GLT6D1: variants seen among roughly 807,000 people sequenced by gnomAD.
GLT6D1 encodes glycosyltransferase 6 domain containing 1.
Under a neutral mutation model 12.3 loss-of-function variants are expected in GLT6D1, and 9 were observed. The observed-to-expected ratio is 0.73, with a 90% CI of 0.44 to 1.27. The LOEUF (loss-of-function observed/expected upper bound fraction) is 1.27, where lower values mean the gene tolerates loss of function less well. Among genes scored for constraint, GLT6D1 ranks in the 50% most tolerant of loss-of-function variants. The pLI, the probability that GLT6D1 is intolerant of heterozygous loss-of-function variation, is 0.00. For missense variants in GLT6D1, 335 were observed against 346.2 expected (o/e 0.97, Z 0.26); for synonymous variants, 128 against 132.3 (o/e 0.97, Z 0.23).
At position 135,624,342 on chromosome 9, in the gene GLT6D1, C is replaced by T. The variant is rs182523305; in HGVS notation, c.586G>A (p.Ala196Thr). ...TTGGTGTTTCTGAAATACCACCAGG[C>T]GTGGAGCTGGGCCACCAACGGGCCC... ...TLGPLVAQLH[A>T]WWYFRNTKNF... Residue 196 changes from alanine to threonine, a missense_variant, in exon 5 of 5, where the codon GCC becomes ACC. Physicochemically the swap from Ala to Thr is moderately conservative, Grantham distance 58. Transcript: ENST00000371763. The T allele has an allele frequency of 2.2e-3, 3,578 of 1,613,076 alleles. 4 individuals are homozygous for T. The highest frequency in any genetic ancestry group is 6.7e-3 in the African/African-American group (501 of 74,996).
At chr9:135,635,073 C>A (rs1325710075) in intron 2 of GLT6D1, among the ~76,000 whole-genome samples, 1 of 152,142 alleles carries the variant, frequency 6.6e-6, no homozygotes, top group Non-Finnish European at 1.5e-5. Flanking sequence ...CTTCTCCCTT[C>A]TTCCTTCCTT....
chr9:135,631,593 T>G, intron 2 of GLT6D1, 115 bp from the exon 3 acceptor site: 1 of 789,120 alleles, frequency 1.3e-6, no homozygotes, highest in Non-Finnish European at 2.3e-6. Context: ...CAAATCAGAG[T>G]CAGGGGAAGC....
rs747757890 is a variant in GLT6D1 at position 135,639,189 on chromosome 9, C to A, written c.-2G>T. 20 of 1,551,176 alleles carry A rather than the reference C, an allele frequency of 1.3e-5. No homozygotes were observed. Among genetic ancestry groups the A allele is most frequent in the Non-Finnish European group, 1.6e-5 (18 of 1,125,458 alleles). On this transcript the variant is annotated 5_prime_UTR_variant, in exon 2 of 5. Coordinates refer to ENST00000371763, the MANE Select transcript of GLT6D1 (RefSeq NM_182974.3). Reference sequence around the variant, plus strand: ...TAACAGCATTCTTTTAGAATTCATTCTCTCCTAGGGAAAGAAGGAGAAAAA... The same window carrying A: ...TAACAGCATTCTTTTAGAATTCATTATCTCCTAGGGAAAGAAGGAGAAAAA...
rs756298285 is a variant in GLT6D1, at chr9:135,631,514, G to A, written c.72-36C>T. The A allele has an allele frequency of 9.2e-6, 14 of 1,513,778 alleles. No individual in the cohort carries two copies. In the Admixed American group the frequency reaches 2.3e-4, roughly 25 times the overall value. 93.8% of individuals were successfully genotyped at this position (1,513,778 alleles called of 1,614,324 possible). On this transcript the variant is annotated intron_variant, in intron 2 of 4. Coordinates refer to ENST00000371763, the MANE Select transcript of GLT6D1 (RefSeq NM_182974.3). ...AGAGAAAATCAAGTGATTGCAAGGA[G>A]CCTGTTCAATGTTTATTGAGCCTGT...
upstream of GLT6D1, among the ~76,000 whole-genome samples, chr9:135,641,166 G>GTAT (rs1833884473): frequency 6.6e-6 from 1 of 151,684 alleles, no homozygotes; most frequent in Non-Finnish European, 1.5e-5. Flanking sequence ...GATCTTCTAA[G>GTAT]CATATCTTTT....
Position 135,624,272 on chromosome 9 carries a change from G to T in GLT6D1, c.656C>A (p.Pro219Gln). ...ATAATAGAAATCTCCCTGTCCAAAC[G>T]GGATGCAAGCTGCTGAGGTCGGCCT... ...ERRPTSAACI[P>Q]FGQGDFYYGN... The change falls in exon 5 of 5, where the codon CCG becomes CAG. Residue 219 changes from proline to glutamine, a missense_variant. Physicochemically the swap from Pro to Gln is moderately conservative, Grantham distance 76. Coordinates refer to ENST00000371763, the MANE Select transcript of GLT6D1 (RefSeq NM_182974.3). 2 of 1,604,192 alleles carry T rather than the reference G, an allele frequency of 1.2e-6. No homozygotes were observed. Among genetic ancestry groups the T allele is most frequent in the East Asian group, 4.5e-5 (2 of 44,826 alleles).
chr9:135,632,678 T>C (rs1383500104), intron 2 of GLT6D1, among the ~76,000 whole-genome samples: 5 of 151,800 alleles, frequency 3.3e-5, no homozygotes, highest in Non-Finnish European at 7.4e-5. Context: ...TTTTTTTTTT[T>C]TTTTTTCGAG....
chr9:135,623,912 G>A lies in GLT6D1; in HGVS notation c.*185C>T. ...ATTTGGGAAGGATGTAAATTTGTAT[G>A]TCTCTAAAAAATGGAAGGTCTTAAG... is the stretch of plus-strand genomic sequence containing the variant. On this transcript the variant is annotated 3_prime_UTR_variant, in exon 5 of 5. Coordinates refer to ENST00000371763, the MANE Select transcript of GLT6D1 (RefSeq NM_182974.3). 1 of 521,660 alleles carries A rather than the reference G, an allele frequency of 1.9e-6. No individual in the cohort carries two copies. 32.3% of individuals were successfully genotyped at this position (521,660 alleles called of 1,614,324 possible).
intron 4 of GLT6D1, among the ~76,000 whole-genome samples, 160 bp from the exon 5 acceptor site, chr9:135,624,830 A>G (rs184745121): frequency 1.1e-3 from 155 of 146,788 alleles, no homozygotes; most frequent in African/African-American, 3.9e-3. Flanking sequence ...CCTGGGTCCA[A>G]GCAATTCTCC....
At chr9:135,634,361 C>G (rs956814857) in intron 2 of GLT6D1, among the ~76,000 whole-genome samples, 4 of 150,410 alleles carry the variant, frequency 2.7e-5, no homozygotes, top group Non-Finnish European at 5.9e-5. Flanking sequence ...CTCCTGACCT[C>G]AAGTGATCCG....
intron 3 of GLT6D1, among the ~76,000 whole-genome samples, chr9:135,626,498 TC>T (rs1175656024): frequency 2.6e-5 from 4 of 152,080 alleles, no homozygotes; most frequent in Non-Finnish European, 1.5e-5. Context: ...TGTGCGTTCC[TC>T]CCCCAGCCAC....
chr9:135,641,149 G>C (rs1286362689), upstream of GLT6D1, among the ~76,000 whole-genome samples: 3 of 132,994 alleles, frequency 2.3e-5, no homozygotes, highest in African/African-American at 7.8e-5. Flanking sequence ...TGTTCCACAG[G>C]GACAGGGATC....
In GLT6D1 at chr9:135,624,493, A is replaced by G. The variant is rs201640295; in HGVS notation, c.435T>C (p.Asp145=). 1.2e-4 allele frequency: 185 copies of G among 1,608,002 alleles called. No homozygotes were observed. The highest frequency in any genetic ancestry group is 3.3e-4 in the Middle Eastern group (2 of 6,078). ...GGCTCTTCACATGCACCAGGGGGCC[A>G]TCGAGCCACCACCTCTCGGTGCCCA... ...FKVGTERWWL[D]GPLVHVKSLG... The change falls in exon 5 of 5, where the codon GAT becomes GAC. Residue 145 remains aspartate (D), a synonymous_variant. Transcript: ENST00000371763.
At chr9:135,630,593 A>G (rs1349078356) in intron 3 of GLT6D1, among the ~76,000 whole-genome samples, 1 of 148,232 alleles carries the variant, frequency 6.7e-6, no homozygotes, top group East Asian at 2.0e-4. Flanking sequence ...GCTGGCAGGC[A>G]CCTGTAATCC....
intron 2 of GLT6D1, among the ~76,000 whole-genome samples, chr9:135,633,020 C>T (rs1035212315): frequency 2.0e-5 from 3 of 152,140 alleles, no homozygotes; most frequent in Admixed American, 6.5e-5. Context: ...ACCACACACA[C>T]GTGCACGCAC....
intron 2 of GLT6D1, among the ~76,000 whole-genome samples, chr9:135,637,368 G>T (rs1489141285): frequency 6.6e-6 from 1 of 150,598 alleles, no homozygotes; most frequent in East Asian, 1.9e-4. Context: ...TGCAGGGTTT[G>T]TGTGGACATA....
intron 4 of GLT6D1, among the ~76,000 whole-genome samples, chr9:135,625,411 C>T (rs558042805): frequency 1.2e-3 from 189 of 152,264 alleles, no homozygotes; most frequent in African/African-American, 4.3e-3. Flanking sequence ...CTTAAATCGG[C>T]TCAGGTCAGC....
chr9:135,629,138 T>G (rs1833581670), intron 3 of GLT6D1, among the ~76,000 whole-genome samples: 1 of 152,110 alleles, frequency 6.6e-6, no homozygotes, highest in Non-Finnish European at 1.5e-5. Context: ...TAAATTTTCC[T>G]TAGTGTATAA....
rs765272773 is a variant in GLT6D1 at position 135,623,882 on chromosome 9, C to T, written c.*215G>A. 4.4e-4 allele frequency: 210 copies of T among 481,972 alleles called. 1 individual carries two copies. Among genetic ancestry groups the T allele is most frequent in the Non-Finnish European group, 6.8e-4 (187 of 274,324 alleles). The allele number at this position is 481,972 out of a possible 1,614,324, so 29.9% of individuals were successfully genotyped here. ...GATGGCTCAAAATGGCAAGAAGAAA[C>T]ATTTATTTGGGAAGGATGTAAATTT... On this transcript the variant is annotated 3_prime_UTR_variant, in exon 5 of 5. Coordinates refer to ENST00000371763, the MANE Select transcript of GLT6D1 (RefSeq NM_182974.3).
Sources: gnomAD v4.1 joint callset for allele counts (sites outside exome capture counted in the v4.1 genomes callset) on GRCh38, gnomAD v4.1.1 for gene constraint, MANE v1.5 for transcripts, NCBI Gene and HGNC (gene_info 2026-07-23, HGNC 2026-07-21) for gene names.